The following RSBN1 variants were observed in gnomAD, a reference collection of about 807,000 sequenced individuals.
RSBN1 encodes round spermatid basic protein 1, also known as lysine-specific demethylase 9.
A neutral mutation model predicts 74.8 loss-of-function variants in RSBN1; 23 were observed. The ratio of observed to expected loss-of-function variants is 0.31; its 90% CI spans 0.22 to 0.44. The LOEUF (loss-of-function observed/expected upper bound fraction) is 0.44. Among genes scored for constraint, RSBN1 ranks in the 20% least tolerant of loss-of-function variants. The probability of loss-of-function intolerance (pLI) is 1.00; values close to 1 mark genes in which losing one functional copy is unlikely to be tolerated. For missense variants in RSBN1, 808 were observed against 1,020.9 expected (o/e 0.79, Z 2.84); for synonymous variants, 407 against 379.6 (o/e 1.07, Z -0.84).
intron 4 of RSBN1, among the ~76,000 whole-genome samples, chr1:113,776,355 T>G (rs1263348930): frequency 1.3e-5 from 2 of 152,162 alleles, no homozygotes; most frequent in African/African-American, 2.4e-5. Flanking sequence ...AAAGAAAAAC[T>G]TCACAAAGGA....
intron 1 of RSBN1, among the ~76,000 whole-genome samples, chr1:113,806,738 T>C (rs1335966611): frequency 6.6e-6 from 1 of 151,004 alleles, no homozygotes. Context: ...CAGTGGCTCC[T>C]GTCTGTAATC....
At chr1:113,794,949 A>G (rs1660441907) in intron 2 of RSBN1, among the ~76,000 whole-genome samples, 1 of 152,220 alleles carries the variant, frequency 6.6e-6, no homozygotes, top group Non-Finnish European at 1.5e-5. Flanking sequence ...AACTTCCAAT[A>G]ACTATGTCTC....
chr1:113,794,404 A>G (rs1340514123), intron 2 of RSBN1, among the ~76,000 whole-genome samples: 1 of 152,192 alleles, frequency 6.6e-6, no homozygotes, highest in Non-Finnish European at 1.5e-5. Flanking sequence ...TCTTTAGGAA[A>G]AAGTACTAAC....
intron 5 of RSBN1, 63 bp from the exon 6 acceptor site, chr1:113,767,270 T>G: frequency 1.0e-6 from 1 of 959,208 alleles, no homozygotes; most frequent in Non-Finnish European, 1.6e-6. Context: ...ATGACAAATT[T>G]CAGTTCTTTT....
intron 2 of RSBN1, among the ~76,000 whole-genome samples, chr1:113,781,951 G>A (rs1449467947): frequency 6.6e-6 from 1 of 151,936 alleles, no homozygotes; most frequent in African/African-American, 2.4e-5. Flanking sequence ...AAATAATCTA[G>A]GAAAAAACAT....
In RSBN1 at chr1:113,812,289, TA is replaced by T; in HGVS notation, c.123del (p.Phe41LeufsTer18). ...GCCATTTCACCCACAAACACACATT[TA>T]AATGGCCCGACCGCCCCCCCGTCCG... ...RCADGGAVGP[F>X]KCVFVGEMAA... On this transcript the variant is annotated frameshift_variant, in exon 1 of 7. Transcript: ENST00000261441. LOFTEE classifies it high-confidence loss of function. The T allele has an allele frequency of 6.2e-7, 1 of 1,604,736 alleles. No individual in the cohort carries two copies.
At chr1:113,811,678 G>C in intron 1 of RSBN1, 32 bp downstream of exon 1, 1 of 1,549,288 alleles carries the variant, frequency 6.5e-7, no homozygotes, top group South Asian at 1.2e-5. Flanking sequence ...GAGAGACCTA[G>C]AACCCAAGCC....
chr1:113,807,747 G>A (rs1293687333), intron 1 of RSBN1, among the ~76,000 whole-genome samples: 7 of 149,980 alleles, frequency 4.7e-5, no homozygotes, highest in Non-Finnish European at 1.0e-4. Context: ...GGCAACAAGA[G>A]TGAAATTCTG....
chr1:113,766,233 T>C lies in RSBN1; in HGVS notation c.2156A>G (p.Asn719Ser). 1.2e-6 allele frequency: 2 copies of C among 1,614,140 alleles called. 1 individual carries two copies. Among genetic ancestry groups the C allele is most frequent in the South Asian group, 2.2e-5 (2 of 91,086 alleles). ...EATQNTESNSNMDCGLTGKRE... is the reference protein window; with the variant it reads ...EATQNTESNSSMDCGLTGKRE... ...CTTTCCAGTTAAACCACAGTCCATG[T>C]TAGAATTGCTTTCTGTGTTTTGAGT... Residue 719 changes from asparagine to serine, a missense_variant, in exon 7 of 7, where the codon AAC becomes AGC. Asn to Ser is a conservative substitution (Grantham distance 46). Around this residue, in one of 6 missense-constraint regions of RSBN1, gnomAD observed 91 missense variants for 99.6 expected, o/e 0.91. Coordinates refer to ENST00000261441, the MANE Select transcript of RSBN1 (RefSeq NM_018364.5).
chr1:113,809,781 A>T (rs1242371966), intron 1 of RSBN1, among the ~76,000 whole-genome samples: 1 of 152,252 alleles, frequency 6.6e-6, no homozygotes, highest in Non-Finnish European at 1.5e-5. Flanking sequence ...GCCACTAGCC[A>T]TATGTGACTA....
chr1:113,797,589 G>A lies in RSBN1; in HGVS notation c.1151C>T (p.Ser384Phe), dbSNP rs1238364760. 11 of 1,612,744 alleles carry A rather than the reference G, an allele frequency of 6.8e-6. No individual in the cohort carries two copies. The highest frequency in any genetic ancestry group is 8.5e-6 in the Non-Finnish European group (10 of 1,179,338). Residue 384 changes from serine to phenylalanine, a missense_variant, in exon 2 of 7, where the codon TCT (serine) becomes TTT (phenylalanine). Transcript: ENST00000261441. ...HAYMDELSFLSPMEMERFSEE... is the reference protein window; with the variant it reads ...HAYMDELSFLFPMEMERFSEE... Reference sequence around the variant, plus strand: ...AGAAAATCTCTCCATCTCCATTGGAGACAAAAATGAGAGTTCATCCATGTA... The same window carrying A: ...AGAAAATCTCTCCATCTCCATTGGAAACAAAAATGAGAGTTCATCCATGTA...
At chr1:113,808,595 T>C (rs1660764730) in intron 1 of RSBN1, among the ~76,000 whole-genome samples, 1 of 152,190 alleles carries the variant, frequency 6.6e-6, no homozygotes, top group African/African-American at 2.4e-5. Context: ...TCCTTTCTTA[T>C]ACGGGAATGA....
In RSBN1 at chr1:113,765,965, T is replaced by C. The variant is rs769626570; in HGVS notation, c.*15A>G. On this transcript the variant is annotated 3_prime_UTR_variant, in exon 7 of 7. Transcript: ENST00000261441. The stretch of plus-strand genomic sequence containing the variant: ...AATTTAAAAAAGTTAAAAAATGTGT[T>C]TGAATATGTACATATCACACAGAAG... The C allele has an allele frequency of 3.2e-6, 5 of 1,566,382 alleles. No homozygotes were observed. The highest frequency in any genetic ancestry group is 3.5e-6 in the Non-Finnish European group (4 of 1,148,594).
Position 113,777,826 on chromosome 1 carries a change from A to C in RSBN1, c.1378-18T>G, listed in dbSNP as rs776263786. ...CTGTTGACCTAAGATAAAACAAAAG[A>C]GGGAAAAATGGACTGAGGTACAACT... On this transcript the variant is annotated intron_variant, in intron 2 of 6. Transcript: ENST00000261441. 2.6e-6 allele frequency: 4 copies of C among 1,531,232 alleles called. No individual in the cohort carries two copies. The highest frequency in any genetic ancestry group is 3.5e-6 in the Non-Finnish European group (4 of 1,134,422). 94.9% of individuals were successfully genotyped at this position (1,531,232 alleles called of 1,614,324 possible).
intron 1 of RSBN1, among the ~76,000 whole-genome samples, chr1:113,807,038 C>T (rs1344726316): frequency 6.6e-6 from 1 of 151,710 alleles, no homozygotes; most frequent in Non-Finnish European, 1.5e-5. Context: ...ACAGGCTGGG[C>T]GTGGTGGCTC....
intron 2 of RSBN1, among the ~76,000 whole-genome samples, chr1:113,782,260 G>T (rs950106234): frequency 6.6e-6 from 1 of 152,044 alleles, no homozygotes; most frequent in African/African-American, 2.4e-5. Context: ...CTCAAAGAAC[G>T]AAAGTACATA....
At chr1:113,806,871 G>A (rs1199955837) in intron 1 of RSBN1, among the ~76,000 whole-genome samples, 2 of 148,718 alleles carry the variant, frequency 1.3e-5, no homozygotes, top group Non-Finnish European at 3.0e-5. Context: ...ACATTAGCCA[G>A]GTGTGGTGGT....
intron 4 of RSBN1, among the ~76,000 whole-genome samples, chr1:113,773,643 T>G (rs1199563409): frequency 6.6e-6 from 1 of 152,200 alleles, no homozygotes; most frequent in Non-Finnish European, 1.5e-5. Flanking sequence ...GGTATATAAA[T>G]TGGTATATTT....
At chr1:113,766,972 A>C in intron 6 of RSBN1, 127 bp downstream of exon 6, 7 of 516,394 alleles carry the variant, frequency 1.4e-5, no homozygotes, top group East Asian at 3.3e-5. Flanking sequence ...CCCCCACCCC[A>C]GTCTTTAACA....
Sources: allele counts gnomAD v4.1 joint callset (sites outside exome capture counted in the v4.1 genomes callset), GRCh38; gene constraint gnomAD v4.1.1; regional missense constraint gnomAD v4.1.1; transcripts MANE v1.5; gene names NCBI Gene and HGNC (gene_info 2026-07-23, HGNC 2026-07-21).